PLAC8L1: variants seen among roughly 807,000 people sequenced by gnomAD.
PLAC8L1 encodes the protein PLAC8-like protein 1.
PLAC8L1 carries 13 observed loss-of-function variants against 16.3 expected under a neutral mutation model. The ratio of observed to expected loss-of-function variants is 0.80; its 90% confidence interval spans 0.52 to 1.27. The LOEUF (loss-of-function observed/expected upper bound fraction) is 1.27. PLAC8L1 is among the 50% of genes most tolerant of loss of function. The pLI is 0.00. For synonymous variants in PLAC8L1, 78 were observed against 79.3 expected, an observed-to-expected ratio of 0.98 and a Z score of 0.09; for missense variants, 184 against 220.2, an observed-to-expected ratio of 0.84 and a Z score of 1.04.
In PLAC8L1 at chr5:146,085,395, C is replaced by A. The variant is rs549585251; in HGVS notation, c.393+66G>T. Reference sequence around the variant, plus strand: ...CACCCTTCTTTTATTTGGAAAATCACAGGTTTGGAAGGCATCTAGGTTTTC... The same window carrying A: ...CACCCTTCTTTTATTTGGAAAATCAAAGGTTTGGAAGGCATCTAGGTTTTC... On this transcript the variant is annotated intron_variant, in intron 3 of 3. Coordinates refer to ENST00000311450, the MANE Select transcript of PLAC8L1 (RefSeq NM_001029869.3). 4.4e-5 allele frequency: 65 copies of A among 1,484,062 alleles called. 1 individual carries two copies. The East Asian group carries it at 1.5e-3, about 34-fold the overall frequency. The allele number at this position is 1,484,062 out of a possible 1,614,324, so 91.9% of individuals were successfully genotyped here. A position where few individuals can be genotyped will look rare whatever the true frequency, so the allele number is the denominator to read the frequency against.
At chr5:146,084,646 T>C in intron 3 of PLAC8L1, 74 bp from the exon 4 acceptor site, 1 of 1,566,740 alleles carries the variant, frequency 6.4e-7, no homozygotes. Flanking sequence ...CTGTACAATG[T>C]TACCTCCTGG....
At chr5:146,090,300 G>A (rs547439780) in intron 2 of PLAC8L1, among the ~76,000 whole-genome samples, 39 of 152,120 alleles carry the variant, frequency 2.6e-4, no homozygotes, top group South Asian at 8.3e-4. Flanking sequence ...TTGAGAGGCC[G>A]AGGCGGGTGG....
chr5:146,096,236 C>T (rs1319927248), intron 2 of PLAC8L1, among the ~76,000 whole-genome samples: 1 of 152,166 alleles, frequency 6.6e-6, no homozygotes, highest in African/African-American at 2.4e-5. Flanking sequence ...TGGCCTTCTC[C>T]TTTGTGTGTC....
chr5:146,097,872 A>G (rs1763742817), intron 2 of PLAC8L1, among the ~76,000 whole-genome samples: 1 of 152,118 alleles, frequency 6.6e-6, no homozygotes, highest in South Asian at 2.1e-4. Flanking sequence ...ACCAATTTAC[A>G]CTCCCACCAG....
intron 2 of PLAC8L1, among the ~76,000 whole-genome samples, chr5:146,097,209 C>T (rs958075329): frequency 6.6e-6 from 1 of 152,112 alleles, no homozygotes; most frequent in Non-Finnish European, 1.5e-5. Context: ...GTCAGAATGT[C>T]CTCAGGTAAA....
chr5:146,102,097 C>T (rs1423836481), intron 1 of PLAC8L1, among the ~76,000 whole-genome samples: 1 of 147,894 alleles, frequency 6.8e-6, no homozygotes, highest in Non-Finnish European at 1.5e-5. Flanking sequence ...GCTCTGTCAC[C>T]CAGGCTGGAG....
chr5:146,086,253 T>TCTCCTGACCTCGTGATCCGCCCGC (rs1763516193), intron 2 of PLAC8L1, among the ~76,000 whole-genome samples: 1 of 151,830 alleles, frequency 6.6e-6, no homozygotes, highest in Non-Finnish European at 1.5e-5. Flanking sequence ...ATGGTCTCGA[T>TCTCCTGACCTCGTGATCCGCCCGC]CTCCTGACCT....
Position 146,084,316 on chromosome 5 carries a change from G to C in PLAC8L1, c.*116C>G. 3 of 1,297,460 alleles carry C rather than the reference G, an allele frequency of 2.3e-6. No homozygotes were observed. In the South Asian group the frequency reaches 4.3e-5, roughly 18 times the overall value. The allele number at this position is 1,297,460 out of a possible 1,614,324, so 80.4% of individuals were successfully genotyped here. A position where few individuals can be genotyped will look rare whatever the true frequency, so the allele number is the denominator to read the frequency against. On this transcript the variant is annotated 3_prime_UTR_variant, in exon 4 of 4. Transcript: ENST00000311450. ...GAAAGAAGAACAGTAGAGACAGTAG[G>C]GGGGAAATCATTTATTTTCATACCA...
At position 146,092,650 on chromosome 5, in the gene PLAC8L1, T is replaced by C. The variant is rs187063612; in HGVS notation, c.256+5506A>G. Among the ~76,000 whole-genome samples, 30 of 151,802 alleles carry C rather than the reference T, an allele frequency of 2.0e-4. No homozygotes were observed. The East Asian group carries it at 5.8e-3, about 29-fold the overall frequency. On this transcript the variant is annotated intron_variant, in intron 2 of 3. Transcript: ENST00000311450. Reference sequence around the variant, plus strand: ...TCCACCTCCCGGGTTCAAGCGATTTTCCTGCTTCAGCATCCCAGGCAGCTG... The same window carrying C: ...TCCACCTCCCGGGTTCAAGCGATTTCCCTGCTTCAGCATCCCAGGCAGCTG...
chr5:146,095,537 C>T (rs1345262125), intron 2 of PLAC8L1, among the ~76,000 whole-genome samples: 1 of 152,188 alleles, frequency 6.6e-6, no homozygotes, highest in African/African-American at 2.4e-5. Flanking sequence ...AGCCTTCTGA[C>T]TCATCTACTC....
At chr5:146,097,299 T>C (rs549107487) in intron 2 of PLAC8L1, among the ~76,000 whole-genome samples, 2 of 152,356 alleles carry the variant, frequency 1.3e-5, no homozygotes, top group African/African-American at 2.4e-5. Context: ...CCCCTCTTTA[T>C]AGCTGAAAAG....
At chr5:146,092,535 A>ATTTTTTTTTTTTTTTTTTTTT (rs35101919) in intron 2 of PLAC8L1, among the ~76,000 whole-genome samples, 1 of 100,384 alleles carries the variant, frequency 1.0e-5, no homozygotes, top group Non-Finnish European at 1.9e-5. Context: ...ATCTTTGCAG[A>ATTTTTTTTTTTTTTTTTTTTT]TTTTTTTTTT....
rs191176652 is a variant in PLAC8L1, at chr5:146,101,313, G to A, written c.119+2880C>T. On this transcript the variant is annotated intron_variant, in intron 1 of 3. Transcript: ENST00000311450. ...ACTGCAAACCAGGAAGAAAGTCCTC[G>A]CCAGAGCCCAATTGGGCTGGCACTC... is the stretch of plus-strand genomic sequence containing the variant. 4.2e-3 allele frequency among the ~76,000 whole-genome samples: 636 copies of A among 151,852 alleles called. 4 individuals carry two copies. The highest frequency in any genetic ancestry group is 0.014 in the African/African-American group (591 of 41,366).
intron 2 of PLAC8L1, among the ~76,000 whole-genome samples, chr5:146,094,333 G>A (rs986727300): frequency 7.2e-5 from 11 of 152,114 alleles, no homozygotes; most frequent in African/African-American, 1.9e-4. Context: ...GCCCACCTCG[G>A]CCTCCCAAAG....
At chr5:146,091,307 A>G (rs938987721) in intron 2 of PLAC8L1, among the ~76,000 whole-genome samples, 3 of 152,220 alleles carry the variant, frequency 2.0e-5, no homozygotes, top group Admixed American at 2.0e-4. Context: ...TAAATTTGAA[A>G]CAACATGAAT....
rs1763887864 is a variant in PLAC8L1 at position 146,105,020 on chromosome 5, C to T, written c.-709G>A. On this transcript the variant is annotated 5_prime_UTR_variant, in exon 1 of 4. Coordinates refer to ENST00000311450, the MANE Select transcript of PLAC8L1 (RefSeq NM_001029869.3). ...GGCTTGCCTGGTGATGTCCTCACAA[C>T]AGCTCTGAATCCTCAAGGTCTCAGG... is the stretch of plus-strand genomic sequence containing the variant. Among the ~76,000 whole-genome samples, 1 of 152,208 alleles carries T rather than the reference C, an allele frequency of 6.6e-6. No individual in the cohort carries two copies. The highest frequency in any genetic ancestry group is 2.4e-5 in the African/African-American group (1 of 41,442).
intron 2 of PLAC8L1, among the ~76,000 whole-genome samples, chr5:146,095,886 T>A (rs1463442242): frequency 2.0e-5 from 3 of 152,220 alleles, no homozygotes; most frequent in Non-Finnish European, 2.9e-5. Context: ...GTGCGTCTTG[T>A]CCCTTTCTGG....
At chr5:146,086,756 T>C (rs541724535) in intron 2 of PLAC8L1, among the ~76,000 whole-genome samples, 23 of 152,332 alleles carry the variant, frequency 1.5e-4, no homozygotes, top group African/African-American at 4.3e-4. Flanking sequence ...ACCCCTGATA[T>C]ACAGTTAAGA....
chr5:146,102,040 C>CTTTTTTTTTTTT (rs36011275), intron 1 of PLAC8L1, among the ~76,000 whole-genome samples: 13 of 130,494 alleles, frequency 1.0e-4, no homozygotes, highest in South Asian at 2.4e-4. Flanking sequence ...TGTGTTTACC[C>CTTTTTTTTTTTT]TTTTTTTTTT....
Sources: gnomAD v4.1 joint callset for allele counts (sites outside exome capture counted in the v4.1 genomes callset) on GRCh38, gnomAD v4.1.1 for gene constraint, MANE v1.5 for transcripts, NCBI Gene and HGNC (gene_info 2026-07-23, HGNC 2026-07-21) for gene names.